The following ERO1A variants were observed in gnomAD, a reference collection of about 807,000 sequenced individuals.
ERO1A encodes the protein endoplasmic reticulum oxidoreductase 1 alpha, also known as ERO1-like protein alpha.
In ERO1A, 49 loss-of-function variants were observed where a neutral mutation model predicts 76.9. The observed-to-expected ratio is 0.64, with a 90% confidence interval of 0.51 to 0.81. The LOEUF (loss-of-function observed/expected upper bound fraction) is 0.81, where lower values mean the gene tolerates loss of function less well. Ranked by LOEUF, ERO1A falls within the 30% of genes least tolerant of loss-of-function variation. The pLI is 0.00. For synonymous variants in ERO1A, 174 were observed against 181.2 expected, an observed-to-expected ratio of 0.96 and a Z score of 0.32; for missense variants, 448 against 542.1, an observed-to-expected ratio of 0.83 and a Z score of 1.72.
At chr14:52,674,667 A>G (rs1470053960) in intron 4 of ERO1A, among the ~76,000 whole-genome samples, 1 of 152,244 alleles carries the variant, frequency 6.6e-6, no homozygotes, top group Non-Finnish European at 1.5e-5. Context: ...AAATGAGCAA[A>G]ATTAGTTTAG....
intron 6 of ERO1A, among the ~76,000 whole-genome samples, chr14:52,671,119 ATTTCACTT>A (rs2040583165): frequency 1.3e-5 from 2 of 152,168 alleles, no homozygotes; most frequent in Admixed American, 6.5e-5. Flanking sequence ...TGCCTGACCT[ATTTCACTT>A]AGCATGTTGT....
At chr14:52,663,877 C>T in intron 7 of ERO1A, 30 bp from the exon 8 acceptor site, 1 of 1,270,012 alleles carries the variant, frequency 7.9e-7, no homozygotes, top group Non-Finnish European at 1.1e-6. Flanking sequence ...AAAATATCAA[C>T]ACAAATATGT....
At chr14:52,651,685 A>G (rs1308679889) in intron 13 of ERO1A, among the ~76,000 whole-genome samples, 1 of 152,142 alleles carries the variant, frequency 6.6e-6, no homozygotes, top group African/African-American at 2.4e-5. Context: ...CAAAAATTGT[A>G]TATGTTTATG....
At chr14:52,651,267 G>A (rs1484309073) in intron 13 of ERO1A, among the ~76,000 whole-genome samples, 2 of 152,108 alleles carry the variant, frequency 1.3e-5, no homozygotes, top group Non-Finnish European at 2.9e-5. Flanking sequence ...CAGCCTGGGT[G>A]ACAGAGTGAG....
At chr14:52,683,050 A>C (rs2041051652) in intron 2 of ERO1A, among the ~76,000 whole-genome samples, 2 of 151,984 alleles carry the variant, frequency 1.3e-5, no homozygotes, top group East Asian at 1.9e-4. Flanking sequence ...TCCACTAAAA[A>C]TACAAAAATT....
chr14:52,676,857 G>GAACC (rs1439715572), intron 4 of ERO1A, among the ~76,000 whole-genome samples: 1 of 137,128 alleles, frequency 7.3e-6, no homozygotes, highest in African/African-American at 2.7e-5. Flanking sequence ...CAACATGGTA[G>GAACC]AACCCCCCTA....
At chr14:52,666,903 C>G (rs2040432018) in intron 6 of ERO1A, among the ~76,000 whole-genome samples, 1 of 152,146 alleles carries the variant, frequency 6.6e-6, no homozygotes, top group African/African-American at 2.4e-5. Flanking sequence ...TGTGCTCCAG[C>G]TTGGGTGACA....
intron 6 of ERO1A, among the ~76,000 whole-genome samples, chr14:52,666,906 G>A (rs2040432248): frequency 2.0e-5 from 3 of 152,220 alleles, no homozygotes; most frequent in Non-Finnish European, 4.4e-5. Context: ...GCTCCAGCTT[G>A]GGTGACAGAG....
At chr14:52,692,941 A>G (rs1337438801) in intron 1 of ERO1A, among the ~76,000 whole-genome samples, 2 of 139,938 alleles carry the variant, frequency 1.4e-5, no homozygotes, top group African/African-American at 2.7e-5. Flanking sequence ...CCCTTCCACT[A>G]CTGGCCCTAT....
intron 3 of ERO1A, among the ~76,000 whole-genome samples, chr14:52,680,974 A>G (rs919670072): frequency 2.0e-5 from 3 of 152,220 alleles, no homozygotes; most frequent in African/African-American, 7.2e-5. Flanking sequence ...CTATTATCCA[A>G]AAGAATAGAA....
chr14:52,665,830 T>C (rs369252500), intron 7 of ERO1A, among the ~76,000 whole-genome samples: 3 of 152,308 alleles, frequency 2.0e-5, no homozygotes, highest in East Asian at 3.9e-4. Context: ...CTGTCTATAA[T>C]ACAGTGATGA....
chr14:52,655,149 G>A lies in ERO1A; in HGVS notation c.809-1834C>T, dbSNP rs774337163. 1.2e-3 allele frequency among the ~76,000 whole-genome samples: 185 copies of A among 152,126 alleles called. 2 individuals carry two copies. The highest frequency in any genetic ancestry group is 1.9e-3 in the Non-Finnish European group (130 of 67,986). On this transcript the variant is annotated intron_variant, in intron 11 of 15. Transcript: ENST00000395686. ...TGGGAGGCCGAGGCAGGTGGATCACGAGGTCAGGAGTTTGAGACCAGCCTT... is the reference window on the plus strand; with the variant it reads ...TGGGAGGCCGAGGCAGGTGGATCACAAGGTCAGGAGTTTGAGACCAGCCTT...
intron 1 of ERO1A, among the ~76,000 whole-genome samples, chr14:52,692,737 G>A (rs1275728865): frequency 6.6e-6 from 1 of 152,102 alleles, no homozygotes; most frequent in African/African-American, 2.4e-5. Context: ...CAAACACTCT[G>A]GTCAACGTGC....
chr14:52,685,749 C>A (rs2041156048), intron 1 of ERO1A, among the ~76,000 whole-genome samples: 1 of 152,210 alleles, frequency 6.6e-6, no homozygotes, highest in Non-Finnish European at 1.5e-5. Flanking sequence ...AGCTGTCCTT[C>A]CAGTACTCCT....
chr14:52,646,311 G>T, intron 14 of ERO1A, 24 bp from the exon 15 acceptor site: 1 of 1,597,496 alleles, frequency 6.3e-7, no homozygotes, highest in East Asian at 2.2e-5. Flanking sequence ...AAGGAAAAAA[G>T]AAAAATTAGA....
intron 6 of ERO1A, 88 bp from the exon 7 acceptor site, chr14:52,666,583 C>G: frequency 8.5e-7 from 1 of 1,172,344 alleles, no homozygotes; most frequent in Non-Finnish European, 1.2e-6. Context: ...TTGATTCTAA[C>G]GCACCACAAA....
intron 6 of ERO1A, among the ~76,000 whole-genome samples, chr14:52,668,597 T>A (rs2040492260): frequency 6.6e-6 from 1 of 151,408 alleles, no homozygotes; most frequent in African/African-American, 2.4e-5. Context: ...TAAACAACGG[T>A]CAGTATCCAG....
At chr14:52,650,116 G>C (rs1304796661) in intron 13 of ERO1A, among the ~76,000 whole-genome samples, 1 of 152,058 alleles carries the variant, frequency 6.6e-6, no homozygotes, top group Non-Finnish European at 1.5e-5. Context: ...CTACTCAGGA[G>C]GCTGAGGTGG....
Position 52,661,314 on chromosome 14 carries a change from A to C in ERO1A, c.677-10T>G. On this transcript the variant is annotated splice_polypyrimidine_tract_variant and intron_variant, in intron 8 of 15. Transcript: ENST00000395686. ...TTACCTTCACTTGTCCCTGAAAAGCAAAACAAAATGTTTATTAAAATAAAT... is the reference window on the plus strand; with the variant it reads ...TTACCTTCACTTGTCCCTGAAAAGCCAAACAAAATGTTTATTAAAATAAAT... 2 of 1,395,464 alleles carry C rather than the reference A, an allele frequency of 1.4e-6. No individual in the cohort carries two copies. Among genetic ancestry groups the C allele is most frequent in the Non-Finnish European group, 9.5e-7 (1 of 1,047,724 alleles). 86.4% of individuals were successfully genotyped at this position (1,395,464 alleles called of 1,614,324 possible). A position where few individuals can be genotyped will look rare whatever the true frequency, so the allele number is the denominator to read the frequency against.
Sources: gnomAD v4.1 joint callset for allele counts (sites outside exome capture counted in the v4.1 genomes callset) on GRCh38, gnomAD v4.1.1 for gene constraint, MANE v1.5 for transcripts, NCBI Gene and HGNC (gene_info 2026-07-23, HGNC 2026-07-21) for gene names.